CTNNA3: variants seen among roughly 807,000 people sequenced by gnomAD.
The protein encoded by CTNNA3 is catenin alpha 3, also known as catenin alpha-3.
Under a neutral mutation model 95.7 loss-of-function variants are expected in CTNNA3, and 76 were observed. The observed-to-expected ratio is 0.79, with a 90% CI of 0.66 to 0.96. The LOEUF (loss-of-function observed/expected upper bound fraction) is 0.96. Among genes scored for constraint, CTNNA3 ranks in the 40% least tolerant of loss-of-function variants. CTNNA3 has a pLI of 0.00. For missense variants in CTNNA3, 1,191 were observed against 1,089.8 expected, an observed-to-expected ratio of 1.09 and a Z score of -1.31; for synonymous variants, 431 against 374.4, an observed-to-expected ratio of 1.15 and a Z score of -1.74.
chr10:67,072,744 T>C (rs1450723009), intron 7 of CTNNA3, among the ~76,000 whole-genome samples: 1 of 152,222 alleles, frequency 6.6e-6, no homozygotes, highest in African/African-American at 2.4e-5. Context: ...CTCATTTCTT[T>C]ATCTTAGGGC....
rs577082992 is a variant in CTNNA3 at position 66,067,062 on chromosome 10, A to AT, written c.2159+2245dup. 5.3e-4 allele frequency among the ~76,000 whole-genome samples: 81 copies of AT among 152,066 alleles called. No homozygotes were observed. In the East Asian group the frequency reaches 7.0e-3, roughly 13 times the overall value. On this transcript the variant is annotated intron_variant, in intron 15 of 17. Coordinates refer to ENST00000433211, the MANE Select transcript of CTNNA3 (RefSeq NM_013266.4). ...CTTCAGAAGCAAAAGTTTTTCTCTG[A>AT]TTTTTTTCTGTTCTCCTGTTGCTCA...
chr10:66,348,225 T>C (rs1432925185), intron 12 of CTNNA3, among the ~76,000 whole-genome samples: 1 of 152,136 alleles, frequency 6.6e-6, no homozygotes, highest in African/African-American at 2.4e-5. Context: ...TAAAATATGA[T>C]GTTAGCATTA....
intron 2 of CTNNA3, among the ~76,000 whole-genome samples, chr10:67,608,328 T>A (rs1246161698): frequency 1.3e-5 from 2 of 152,254 alleles, no homozygotes; most frequent in Admixed American, 6.5e-5. Context: ...CCTCTTAATG[T>A]AGATTGCTGG....
chr10:67,083,350 T>G (rs1459049434), intron 7 of CTNNA3, among the ~76,000 whole-genome samples: 2 of 152,060 alleles, frequency 1.3e-5, no homozygotes, highest in Non-Finnish European at 2.9e-5. Flanking sequence ...TCCAATCAGT[T>G]ATTCAATGTT....
At chr10:67,758,289 T>TACAC (rs760301884) in intron 1 of CTNNA3, among the ~76,000 whole-genome samples, 2 of 139,898 alleles carry the variant, frequency 1.4e-5, no homozygotes, top group Non-Finnish European at 3.0e-5. Context: ...TATATGTATA[T>TACAC]ACACACACAC....
chr10:66,439,833 A>T (rs2093363738), intron 11 of CTNNA3, among the ~76,000 whole-genome samples: 1 of 152,180 alleles, frequency 6.6e-6, no homozygotes, highest in Non-Finnish European at 1.5e-5. Context: ...ATAAAATGTC[A>T]ACAAAAAAAT....
At chr10:66,829,096 A>G (rs908967523) in intron 7 of CTNNA3, among the ~76,000 whole-genome samples, 1 of 152,188 alleles carries the variant, frequency 6.6e-6, no homozygotes, top group African/African-American at 2.4e-5. Context: ...TAAAGGAAGG[A>G]TATCCTTGGG....
chr10:66,128,602 A>G (rs1039958510), intron 13 of CTNNA3, among the ~76,000 whole-genome samples: 1 of 152,226 alleles, frequency 6.6e-6, no homozygotes, highest in African/African-American at 2.4e-5. Context: ...GAAGAGGCAA[A>G]TTATGGAGAC....
At chr10:67,037,233 G>A (rs909567359) in intron 7 of CTNNA3, among the ~76,000 whole-genome samples, 7 of 152,078 alleles carry the variant, frequency 4.6e-5, no homozygotes, top group Non-Finnish European at 7.4e-5. Context: ...GTGTCAGTAA[G>A]CATCAGCAAA....
intron 7 of CTNNA3, among the ~76,000 whole-genome samples, chr10:67,027,549 C>T (rs1829383441): frequency 6.6e-6 from 1 of 151,270 alleles, no homozygotes; most frequent in African/African-American, 2.4e-5. Flanking sequence ...ATTCTCCTGC[C>T]TCAGCCTTCC....
At chr10:67,211,821 GTTTA>G (rs1401076717) in intron 6 of CTNNA3, among the ~76,000 whole-genome samples, 2 of 152,066 alleles carry the variant, frequency 1.3e-5, no homozygotes, top group African/African-American at 4.8e-5. Flanking sequence ...TCTAATTCCT[GTTTA>G]TTTGACTTTG....
At chr10:66,769,038 CT>C (rs1401834882) in intron 8 of CTNNA3, among the ~76,000 whole-genome samples, 1 of 152,136 alleles carries the variant, frequency 6.6e-6, no homozygotes, top group African/African-American at 2.4e-5. Context: ...TTGGTATTTA[CT>C]ACTCTGAGAT....
rs905932770 is a variant in CTNNA3 at position 66,636,684 on chromosome 10, C to T, written c.1282-14900G>A. On this transcript the variant is annotated intron_variant, in intron 9 of 17. Transcript: ENST00000433211. The stretch of plus-strand genomic sequence containing the variant: ...AATAAAATATTTTTCACGTTGTCTT[C>T]TCTATACTTATTTATGATTGATCTC... Among the ~76,000 whole-genome samples, 5 of 152,184 alleles carry T rather than the reference C, an allele frequency of 3.3e-5. No homozygotes were observed. In the East Asian group the frequency reaches 9.7e-4, roughly 29 times the overall value.
chr10:66,304,931 A>G (rs2091912632), intron 12 of CTNNA3, among the ~76,000 whole-genome samples: 1 of 152,150 alleles, frequency 6.6e-6, no homozygotes, highest in Admixed American at 6.6e-5. Flanking sequence ...TGTTTGATAT[A>G]TATTTCCTAG....
chr10:66,990,800 T>C (rs924824456), intron 7 of CTNNA3, among the ~76,000 whole-genome samples: 1 of 152,194 alleles, frequency 6.6e-6, no homozygotes, highest in African/African-American at 2.4e-5. Flanking sequence ...CCAAAATCTG[T>C]CCTTTACCAA....
At chr10:67,754,266 T>A (rs1215030989) in intron 1 of CTNNA3, among the ~76,000 whole-genome samples, 1 of 151,802 alleles carries the variant, frequency 6.6e-6, no homozygotes, top group Non-Finnish European at 1.5e-5. Context: ...TGAGAACACA[T>A]GGACACAGGG....
chr10:66,669,029 G>C (rs959929572), intron 9 of CTNNA3, among the ~76,000 whole-genome samples: 5 of 151,960 alleles, frequency 3.3e-5, no homozygotes, highest in Non-Finnish European at 7.4e-5. Flanking sequence ...GAATATATAT[G>C]TTCCAATATT....
intron 2 of CTNNA3, among the ~76,000 whole-genome samples, chr10:67,614,882 C>G (rs1442317976): frequency 1.3e-5 from 2 of 152,204 alleles, no homozygotes; most frequent in Admixed American, 1.3e-4. Flanking sequence ...GATGGCTGTC[C>G]TCTCTCTGTG....
intron 7 of CTNNA3, among the ~76,000 whole-genome samples, chr10:67,022,192 A>G (rs900380465): frequency 3.9e-5 from 6 of 152,212 alleles, no homozygotes; most frequent in African/African-American, 1.4e-4. Context: ...TGGAAAGAAC[A>G]TGGAGCAACA....
Sources: allele counts gnomAD v4.1 joint callset (sites outside exome capture counted in the v4.1 genomes callset), GRCh38; gene constraint gnomAD v4.1.1; transcripts MANE v1.5; gene names NCBI Gene and HGNC (gene_info 2026-07-23, HGNC 2026-07-21).